Variants in FSTL4 observed in about 807,000 individuals in gnomAD.
FSTL4 encodes the protein follistatin like 4.
Under a neutral mutation model 78.2 loss-of-function variants are expected in FSTL4, and 28 were observed. The observed-to-expected ratio is 0.36, with a 90% CI of 0.27 to 0.49. FSTL4 has a LOEUF of 0.49. Ranked by LOEUF, FSTL4 falls within the 20% of genes least tolerant of loss-of-function variation. The pLI is 0.98. For missense variants in FSTL4, 922 were observed against 1,084.9 expected (o/e 0.85, Z 2.11); for synonymous variants, 422 against 440.5 (o/e 0.96, Z 0.53).
At chr5:133,714,184 G>A in the FSTL4 span, among the ~76,000 whole-genome samples, 1 of 152,152 alleles carries the variant, frequency 6.6e-6, no homozygotes, top group Non-Finnish European at 1.5e-5. Flanking sequence ...GCCCAGCCCA[G>A]ACACACATGG....
intron 3 of FSTL4, among the ~76,000 whole-genome samples, chr5:133,531,666 G>A (rs138611535): frequency 5.1e-4 from 78 of 152,318 alleles, no homozygotes; most frequent in Middle Eastern, 3.4e-3. Context: ...TGTGAAATGA[G>A]AAAGTAGAAA....
intron 6 of FSTL4, among the ~76,000 whole-genome samples, chr5:133,254,964 G>A (rs1205501314): frequency 6.6e-6 from 1 of 152,222 alleles, no homozygotes; most frequent in Non-Finnish European, 1.5e-5. Context: ...GGGGAGCCAG[G>A]CCACATGAGA....
At chr5:133,673,113 A>G in the FSTL4 span, among the ~76,000 whole-genome samples, 1 of 152,232 alleles carries the variant, frequency 6.6e-6, no homozygotes, top group Non-Finnish European at 1.5e-5. Flanking sequence ...GAGACTTTCC[A>G]AAGGACACAA....
intron 3 of FSTL4, among the ~76,000 whole-genome samples, chr5:133,411,296 A>G (rs1246930755): frequency 6.6e-6 from 1 of 152,230 alleles, no homozygotes; most frequent in Admixed American, 6.5e-5. Flanking sequence ...AATAGTGACA[A>G]CAAAATACCA....
chr5:133,732,967 C>A, the FSTL4 span, among the ~76,000 whole-genome samples: 1 of 152,228 alleles, frequency 6.6e-6, no homozygotes, highest in Non-Finnish European at 1.5e-5. Flanking sequence ...CACATGGCTT[C>A]TCTATGCTCA....
At position 133,236,111 on chromosome 5, in the gene FSTL4, C is replaced by T. The variant is rs1184184788; in HGVS notation, c.895-2574G>A. The stretch of plus-strand genomic sequence containing the variant: ...CAGGGAGCCTGGCGCTGTGGACCTG[C>T]TGGCATTTTCCCTCCAAACTGCCTT... On this transcript the variant is annotated intron_variant, in intron 7 of 15. Coordinates refer to ENST00000265342, the MANE Select transcript of FSTL4 (RefSeq NM_015082.2). The surrounding 1 kb of genome is among the most constrained non-coding windows in gnomAD (Gnocchi z 5.0). 6.6e-6 allele frequency among the ~76,000 whole-genome samples: 1 copy of T among 152,184 alleles called. No homozygotes were observed. The highest frequency in any genetic ancestry group is 1.5e-5 in the Non-Finnish European group (1 of 68,024).
intron 3 of FSTL4, among the ~76,000 whole-genome samples, chr5:133,411,175 T>C (rs1321401388): frequency 1.3e-5 from 2 of 152,188 alleles, no homozygotes; most frequent in Non-Finnish European, 2.9e-5. Context: ...CTTAAGGTAC[T>C]TCAGTGTTGC....
the FSTL4 span, among the ~76,000 whole-genome samples, chr5:133,831,661 C>G: frequency 6.6e-6 from 1 of 152,194 alleles, no homozygotes; most frequent in African/African-American, 2.4e-5. Flanking sequence ...TTGCCAGAAC[C>G]ATAAGGAAGT....
At chr5:133,290,119 C>A (rs988630270) in intron 6 of FSTL4, among the ~76,000 whole-genome samples, 8 of 152,182 alleles carry the variant, frequency 5.3e-5, no homozygotes, top group African/African-American at 1.7e-4. Flanking sequence ...CCAGGTGCAG[C>A]ACCAGCAGGG....
chr5:133,737,666 G>A, the FSTL4 span, among the ~76,000 whole-genome samples: 1 of 144,296 alleles, frequency 6.9e-6, no homozygotes, highest in South Asian at 2.2e-4. Flanking sequence ...GTGCAGTGGT[G>A]CGATCTCAGC....
intron 4 of FSTL4, among the ~76,000 whole-genome samples, chr5:133,372,477 A>G (rs1367990949): frequency 6.6e-6 from 1 of 152,074 alleles, no homozygotes; most frequent in Non-Finnish European, 1.5e-5. Context: ...CTAGTCGCCA[A>G]CCTTCCAGGC....
At position 133,577,059 on chromosome 5, in the gene FSTL4, A is replaced by G. The variant is rs146867972; in HGVS notation, c.127-9840T>C. 2.6e-5 allele frequency among the ~76,000 whole-genome samples: 4 copies of G among 152,288 alleles called. No homozygotes were observed. In the East Asian group the frequency reaches 7.7e-4, roughly 29 times the overall value. On this transcript the variant is annotated intron_variant, in intron 2 of 15. Coordinates refer to ENST00000265342, the MANE Select transcript of FSTL4 (RefSeq NM_015082.2). ...TCCCACTTACTGTGCACACAGTAAG[A>G]GTTTTGCACACTTTATCTCATTTAT... is the stretch of plus-strand genomic sequence containing the variant.
the FSTL4 span, among the ~76,000 whole-genome samples, chr5:133,764,633 T>C: frequency 1.3e-5 from 2 of 152,310 alleles, no homozygotes; most frequent in East Asian, 3.9e-4. Context: ...AGCCCACAGG[T>C]GGACTCCTGG....
rs1760942697 is a variant in FSTL4, at chr5:133,604,817, A to G, written c.-10-824T>C. ...GCTTCAAAATGGCATCATAAGGTCT[A>G]ATATCTTAGTTTCAAGACCAACCAT... On this transcript the variant is annotated intron_variant, in intron 1 of 15. Coordinates refer to ENST00000265342, the MANE Select transcript of FSTL4 (RefSeq NM_015082.2). Among the ~76,000 whole-genome samples, 3 of 152,192 alleles carry G rather than the reference A, an allele frequency of 2.0e-5. No homozygotes were observed. The South Asian group carries it at 6.2e-4, about 32-fold the overall frequency.
At chr5:133,377,818 A>T (rs1263518707) in intron 4 of FSTL4, among the ~76,000 whole-genome samples, 2 of 152,216 alleles carry the variant, frequency 1.3e-5, no homozygotes, top group African/African-American at 4.8e-5. Flanking sequence ...TTCAAGGAAG[A>T]TATACACAGA....
chr5:133,514,430 C>T (rs916884511), intron 3 of FSTL4, among the ~76,000 whole-genome samples: 25 of 152,098 alleles, frequency 1.6e-4, no homozygotes, highest in Non-Finnish European at 3.4e-4. Context: ...AAGAGCAGAA[C>T]TGAAATGATA....
chr5:133,712,245 C>A, the FSTL4 span, among the ~76,000 whole-genome samples: 2 of 152,212 alleles, frequency 1.3e-5, no homozygotes, highest in African/African-American at 2.4e-5. Flanking sequence ...CAACTCCAGA[C>A]AGGCTCTTGT....
chr5:133,746,886 A>C, the FSTL4 span, among the ~76,000 whole-genome samples: 2 of 152,250 alleles, frequency 1.3e-5, no homozygotes, highest in Non-Finnish European at 2.9e-5. Flanking sequence ...AATACCGGGC[A>C]GATGAGAGAA....
upstream of FSTL4, among the ~76,000 whole-genome samples, chr5:133,614,944 C>A (rs559523838): frequency 6.6e-6 from 1 of 152,156 alleles, no homozygotes; most frequent in Admixed American, 6.5e-5. Flanking sequence ...TATTTTTTTA[C>A]GTTGCTGGTT....
Sources: gnomAD v4.1 joint callset for allele counts (sites outside exome capture counted in the v4.1 genomes callset) on GRCh38, gnomAD v4.1.1 for gene constraint, Gnocchi (gnomAD v3.1) non-coding constraint, MANE v1.5 for transcripts, NCBI Gene and HGNC (gene_info 2026-07-23, HGNC 2026-07-21) for gene names.